The following LUC7L2 variants were observed in gnomAD, a reference collection of about 807,000 sequenced individuals.
LUC7L2 encodes LUC7 like 2, pre-mRNA splicing factor.
Under a neutral mutation model 52.8 loss-of-function variants are expected in LUC7L2, and 25 were observed. The ratio of observed to expected loss-of-function variants is 0.47; its 90% CI spans 0.34 to 0.66. The LOEUF is 0.66. Among genes scored for constraint, LUC7L2 ranks in the 30% least tolerant of loss-of-function variants. The pLI, the probability that LUC7L2 is intolerant of heterozygous loss-of-function variation, is 0.01. For synonymous variants in LUC7L2, 144 were observed against 160.9 expected (o/e 0.89, Z 0.80); for missense variants, 328 against 497.8 (o/e 0.66, Z 3.25).
At chr7:139,366,554 T>G (rs1289451670) in intron 1 of LUC7L2, among the ~76,000 whole-genome samples, 1 of 152,212 alleles carries the variant, frequency 6.6e-6, no homozygotes, top group Non-Finnish European at 1.5e-5. Flanking sequence ...GCCTCCTGCT[T>G]TTGGTAAATA....
intron 8 of LUC7L2, 119 bp downstream of exon 8, chr7:139,412,699 A>G (rs1298372518): frequency 6.7e-6 from 8 of 1,198,414 alleles, no homozygotes; most frequent in African/African-American, 3.1e-5. Context: ...ACGGTGATGC[A>G]TGCTTGTAAT....
intron 9 of LUC7L2, among the ~76,000 whole-genome samples, chr7:139,420,204 AATTT>A (rs1795828252): frequency 6.6e-6 from 1 of 151,970 alleles, no homozygotes; most frequent in Non-Finnish European, 1.5e-5. Flanking sequence ...TAGGCTAAGT[AATTT>A]ATTTTTTTTT....
intron 3 of LUC7L2, among the ~76,000 whole-genome samples, chr7:139,400,118 T>C (rs1405390467): frequency 7.4e-6 from 1 of 134,768 alleles, no homozygotes; most frequent in African/African-American, 3.6e-5. Context: ...TTCCCTACTT[T>C]TTTGGTGGTT....
intron 1 of LUC7L2, chr7:139,345,449 T>C (rs1799224898): frequency 6.2e-7 from 1 of 1,608,050 alleles, no homozygotes; most frequent in Admixed American, 1.7e-5. Flanking sequence ...TCTTTCTCTG[T>C]GGACCTGTAT....
chr7:139,376,218 A>C, intron 2 of LUC7L2, 62 bp downstream of exon 2: 1 of 1,542,698 alleles, frequency 6.5e-7, no homozygotes, highest in Non-Finnish European at 8.9e-7. Context: ...ACTACTTGAT[A>C]AAGTCTTAAT....
At chr7:139,396,180 C>T (rs748979111) in intron 2 of LUC7L2, among the ~76,000 whole-genome samples, 1 of 152,076 alleles carries the variant, frequency 6.6e-6, no homozygotes, top group Non-Finnish European at 1.5e-5. Flanking sequence ...GTTGCTCATA[C>T]CTGTAATCCA....
rs201414693 is a variant in LUC7L2 at position 139,417,617 on chromosome 7, C to A, written c.889C>A (p.Arg297=). ...CAAGAGGAGAACTCGATCCAAATCTCGGGAGAAACGCCATCGCCACAGGTC... is the reference window on the plus strand; with the variant it reads ...CAAGAGGAGAACTCGATCCAAATCTAGGGAGAAACGCCATCGCCACAGGTC... ...ERKRRTRSKS[R]EKRHRHRSRS... is the part of the protein sequence containing the mutation. Residue 297 remains arginine, a synonymous_variant, in exon 9 of 10, where the codon CGG becomes AGG. Coordinates refer to ENST00000354926, the MANE Select transcript of LUC7L2 (RefSeq NM_016019.5). The A allele has an allele frequency of 6.2e-7, 1 of 1,613,966 alleles. No individual in the cohort carries two copies. The highest frequency in any genetic ancestry group is 8.5e-7 in the Non-Finnish European group (1 of 1,180,022).
chr7:139,344,448 A>T (rs1799160317), intron 1 of LUC7L2, among the ~76,000 whole-genome samples: 1 of 152,202 alleles, frequency 6.6e-6, no homozygotes, highest in Non-Finnish European at 1.5e-5. Flanking sequence ...AATCGTTGTT[A>T]TACTACATTG....
At position 139,360,148 on chromosome 7, in the gene LUC7L2, G is replaced by T; in HGVS notation, c.-114G>T. ...CTCCCTTTCCGCACGCCTCGAGGCG[G>T]CGGCGGCCACCGAGACAGCAGCGCA... On this transcript the variant is annotated 5_prime_UTR_variant, in exon 1 of 10. Transcript: ENST00000354926. 3 of 706,176 alleles carry T rather than the reference G, an allele frequency of 4.2e-6. No individual in the cohort carries two copies. The allele number at this position is 706,176 out of a possible 1,614,324, so 43.7% of individuals were successfully genotyped here. A position where few individuals can be genotyped will look rare whatever the true frequency, so the allele number is the denominator to read the frequency against.
At chr7:139,412,432 C>T (rs954620947) in intron 7 of LUC7L2, 119 bp from the exon 8 acceptor site, 8 of 1,256,820 alleles carry the variant, frequency 6.4e-6, no homozygotes, top group Non-Finnish European at 8.6e-6. Context: ...TGCGTAGGTA[C>T]ACGCCTTGTA....
At chr7:139,353,154 G>A (rs1799505419) in intron 1 of LUC7L2, among the ~76,000 whole-genome samples, 3 of 152,078 alleles carry the variant, frequency 2.0e-5, no homozygotes, top group African/African-American at 7.2e-5. Context: ...CCAAGATCCC[G>A]CCACTGTACT....
intron 2 of LUC7L2, among the ~76,000 whole-genome samples, chr7:139,393,232 A>G (rs1427019596): frequency 6.6e-6 from 1 of 151,754 alleles, no homozygotes; most frequent in Non-Finnish European, 1.5e-5. Flanking sequence ...GCACCACTGC[A>G]CTCCAGCCTG....
intron 4 of LUC7L2, among the ~76,000 whole-genome samples, chr7:139,404,269 T>A (rs1372748766): frequency 1.3e-5 from 2 of 152,070 alleles, no homozygotes; most frequent in African/African-American, 4.8e-5. Context: ...CAGCACTTTG[T>A]GAGGCCAAGG....
At chr7:139,368,758 AAG>A (rs1270928716) in intron 1 of LUC7L2, among the ~76,000 whole-genome samples, 2 of 147,662 alleles carry the variant, frequency 1.4e-5, no homozygotes, top group Non-Finnish European at 3.0e-5. Flanking sequence ...AAAAAGTAAA[AAG>A]TGCATAAAGC....
chr7:139,347,312 GTGTGGTGGCTCACACC>G (rs1799299751), intron 1 of LUC7L2, among the ~76,000 whole-genome samples: 1 of 151,492 alleles, frequency 6.6e-6, no homozygotes, highest in Non-Finnish European at 1.5e-5. Flanking sequence ...TTCAAGCCGG[GTGTGGTGGCTCACACC>G]TGTAATCCCA....
intron 1 of LUC7L2, among the ~76,000 whole-genome samples, chr7:139,342,955 C>A (rs917891076): frequency 6.6e-6 from 1 of 152,188 alleles, no homozygotes; most frequent in Non-Finnish European, 1.5e-5. Context: ...GAATAACCAT[C>A]CCATTTTCTC....
chr7:139,392,365 A>G (rs1034931858), intron 2 of LUC7L2: 3 of 341,878 alleles, frequency 8.8e-6, no homozygotes, highest in African/African-American at 2.2e-5. Context: ...GGGAAATAAC[A>G]TTCACTTTTG....
chr7:139,374,928 T>G (rs1266008399), intron 1 of LUC7L2: 1 of 991,792 alleles, frequency 1.0e-6, no homozygotes, highest in Non-Finnish European at 1.2e-6. Flanking sequence ...CACGAAAGTT[T>G]TTGGAGTGCT....
chr7:139,400,589 G>GGTTT (rs1794866453), intron 3 of LUC7L2, among the ~76,000 whole-genome samples: 1 of 152,108 alleles, frequency 6.6e-6, no homozygotes, highest in Non-Finnish European at 1.5e-5. Flanking sequence ...TCTCTCCTGT[G>GGTTT]GTTTCTTCTG....
Sources: allele counts gnomAD v4.1 joint callset (sites outside exome capture counted in the v4.1 genomes callset), GRCh38; gene constraint gnomAD v4.1.1; transcripts MANE v1.5; gene names NCBI Gene and HGNC (gene_info 2026-07-23, HGNC 2026-07-21).